DERL1: variants seen among roughly 807,000 people sequenced by gnomAD.
DERL1 encodes the protein derlin-1.
In DERL1, 24 loss-of-function variants were observed where a neutral mutation model predicts 41.6. The observed-to-expected ratio is 0.58, with a 90% CI of 0.42 to 0.81. The LOEUF is 0.81. Ranked by LOEUF, DERL1 falls within the 30% of genes least tolerant of loss-of-function variation. The pLI, the probability that DERL1 is intolerant of heterozygous loss-of-function variation, is 0.00. For synonymous variants in DERL1, 124 were observed against 112.5 expected, an observed-to-expected ratio of 1.10 and a Z score of -0.65; for missense variants, 260 against 314.3, an observed-to-expected ratio of 0.83 and a Z score of 1.31.
At chr8:123,040,101 C>T (rs534805072) in intron 1 of DERL1, among the ~76,000 whole-genome samples, 3 of 152,258 alleles carry the variant, frequency 2.0e-5, no homozygotes, top group Admixed American at 1.3e-4. Context: ...CCTGTAATTC[C>T]AGCTACTTGG....
intron 1 of DERL1, among the ~76,000 whole-genome samples, chr8:123,032,127 G>A (rs77002522): frequency 0.014 from 2,113 of 147,930 alleles, 90 homozygotes; most frequent in East Asian, 0.13. Context: ...TTGTTTTTCT[G>A]GATTTACATT....
chr8:123,025,319 C>T (rs1170863498), intron 2 of DERL1, among the ~76,000 whole-genome samples: 4 of 152,290 alleles, frequency 2.6e-5, no homozygotes, highest in Admixed American at 2.6e-4. Flanking sequence ...CTAAAACAGA[C>T]CCAGAGAAAG....
intron 1 of DERL1, among the ~76,000 whole-genome samples, chr8:123,040,219 A>C (rs1813017249): frequency 6.6e-6 from 1 of 152,104 alleles, no homozygotes; most frequent in Non-Finnish European, 1.5e-5. Context: ...CTCCGTCTCC[A>C]AAAAAAAGAA....
At chr8:123,027,856 G>GT (rs1013119673) in intron 2 of DERL1, among the ~76,000 whole-genome samples, 4 of 152,168 alleles carry the variant, frequency 2.6e-5, no homozygotes, top group African/African-American at 9.7e-5. Context: ...AAGGTCAGGA[G>GT]TTTGAGACCA....
At position 123,022,735 on chromosome 8, in the gene DERL1, G is replaced by A. The variant is rs764594068; in HGVS notation, c.402C>T (p.Ala134=). Residue 134 remains alanine, a synonymous_variant, in exon 5 of 8, where the codon GCC becomes GCT. Coordinates refer to ENST00000259512, the MANE Select transcript of DERL1 (RefSeq NM_024295.6). The part of the protein sequence containing the change: ...PLIMSVLYVW[A]QLNRDMIVSF... Reference sequence around the variant, plus strand: ...ATACAATCATGTCTCTGTTCAGCTGGGCCCAGACATAAAGTACTGACATGA... The same window carrying A: ...ATACAATCATGTCTCTGTTCAGCTGAGCCCAGACATAAAGTACTGACATGA... The A allele has an allele frequency of 1.2e-6, 2 of 1,614,064 alleles. No homozygotes were observed. The highest frequency in any genetic ancestry group is 1.3e-5 in the African/African-American group (1 of 74,998).
chr8:123,039,956 G>A (rs912328979), intron 1 of DERL1, among the ~76,000 whole-genome samples: 1 of 152,198 alleles, frequency 6.6e-6, no homozygotes. Flanking sequence ...AGTGGCTCAC[G>A]CCTCTAATCC....
intron 2 of DERL1, among the ~76,000 whole-genome samples, chr8:123,028,412 T>TA (rs1812750564): frequency 1.3e-5 from 2 of 152,192 alleles, no homozygotes; most frequent in Non-Finnish European, 2.9e-5. Flanking sequence ...TAAATCCATA[T>TA]ACACGGAAAG....
At chr8:123,027,575 T>C (rs1486130784) in intron 2 of DERL1, among the ~76,000 whole-genome samples, 2 of 152,202 alleles carry the variant, frequency 1.3e-5, no homozygotes, top group African/African-American at 4.8e-5. Context: ...AAATGCTCTG[T>C]AGTTGTTGAG....
chr8:123,023,881 G>T, intron 3 of DERL1, 142 bp from the exon 4 acceptor site: 1 of 826,510 alleles, frequency 1.2e-6, no homozygotes, highest in Non-Finnish European at 1.8e-6. Context: ...ACTTTGGAAG[G>T]CCAAGATGGG....
At chr8:123,038,092 A>G (rs2130496764) in intron 1 of DERL1, among the ~76,000 whole-genome samples, 1 of 152,338 alleles carries the variant, frequency 6.6e-6, no homozygotes, top group South Asian at 2.1e-4. Context: ...AAGAAATAAC[A>G]TTATAAACCT....
intron 7 of DERL1, chr8:123,018,020 C>T (rs1814623144): frequency 6.6e-6 from 1 of 152,174 alleles, no homozygotes; most frequent in African/African-American, 2.4e-5. Context: ...TATTACAGTT[C>T]ACAATTTGAA....
chr8:123,029,106 T>C (rs1812767415), intron 2 of DERL1, among the ~76,000 whole-genome samples: 1 of 151,970 alleles, frequency 6.6e-6, no homozygotes, highest in South Asian at 2.1e-4. Flanking sequence ...TAATGCTCAA[T>C]TAAGTTATAC....
chr8:123,015,794 TA>T (rs1293889488), intron 7 of DERL1: 1 of 496,300 alleles, frequency 2.0e-6, no homozygotes, highest in East Asian at 3.5e-5. Context: ...TCATGTTTCT[TA>T]AATGTATTCA....
At chr8:123,033,990 TG>T (rs1812870841) in intron 1 of DERL1, among the ~76,000 whole-genome samples, 1 of 152,166 alleles carries the variant, frequency 6.6e-6, no homozygotes, top group African/African-American at 2.4e-5. Flanking sequence ...ACAAAAGACA[TG>T]GCCCCTGAAT....
At chr8:123,031,841 C>T (rs1812823204) in intron 1 of DERL1, among the ~76,000 whole-genome samples, 1 of 152,100 alleles carries the variant, frequency 6.6e-6, no homozygotes, top group Non-Finnish European at 1.5e-5. Context: ...CTTGTATATC[C>T]TCTTTATATG....
At chr8:123,028,419 A>T (rs1186876567) in intron 2 of DERL1, among the ~76,000 whole-genome samples, 1 of 152,208 alleles carries the variant, frequency 6.6e-6, no homozygotes, top group Non-Finnish European at 1.5e-5. Flanking sequence ...ATATACACGG[A>T]AAGTAGATTA....
intron 1 of DERL1, 63 bp downstream of exon 1, chr8:123,041,907 G>A (rs549368455): frequency 6.0e-6 from 9 of 1,495,766 alleles, no homozygotes; most frequent in Middle Eastern, 1.8e-4. Context: ...GCCAGCCTAC[G>A]CTTAGCCGCC....
intron 4 of DERL1, 69 bp from the exon 5 acceptor site, chr8:123,022,848 C>T: frequency 8.1e-7 from 1 of 1,238,586 alleles, no homozygotes. Context: ...ATCTACTATG[C>T]TTTTTACCCC....
At chr8:123,025,342 C>G (rs920190450) in intron 2 of DERL1, among the ~76,000 whole-genome samples, 13 of 152,194 alleles carry the variant, frequency 8.5e-5, no homozygotes, top group Non-Finnish European at 1.5e-4. Context: ...CAGTCAATTC[C>G]ACAGCTTCTG....
Sources: gnomAD v4.1 joint callset for allele counts (sites outside exome capture counted in the v4.1 genomes callset) on GRCh38, gnomAD v4.1.1 for gene constraint, MANE v1.5 for transcripts, NCBI Gene and HGNC (gene_info 2026-07-23, HGNC 2026-07-21) for gene names.